The following ITGA8 variants were observed in gnomAD, a reference collection of about 807,000 sequenced individuals.
ITGA8 encodes integrin alpha-8.
A neutral mutation model predicts 142.3 loss-of-function variants in ITGA8; 91 were observed. The observed-to-expected ratio is 0.64, with a 90% CI of 0.54 to 0.76. ITGA8 has a LOEUF of 0.76. Ranked by LOEUF, ITGA8 falls within the 30% of genes least tolerant of loss-of-function variation. ITGA8 has a pLI of 0.00. For synonymous variants in ITGA8, 505 were observed against 485.2 expected (o/e 1.04, Z -0.54); for missense variants, 1,406 against 1,327.7 (o/e 1.06, Z -0.92).
At chr10:15,696,920 GA>G (rs1055320578) in intron 2 of ITGA8, among the ~76,000 whole-genome samples, 96 of 151,512 alleles carry the variant, frequency 6.3e-4, no homozygotes, top group Non-Finnish European at 1.1e-3. Flanking sequence ...GAGGTGGGAG[GA>G]TCAGTTGAGC....
chr10:15,596,503 G>A (rs372758703), intron 21 of ITGA8: 13 of 152,308 alleles, frequency 8.5e-5, no homozygotes, highest in African/African-American at 2.9e-4. Flanking sequence ...ATAATAATAT[G>A]TCATGGGAAT....
In ITGA8 at chr10:15,607,744, C is replaced by A; in HGVS notation, c.1697G>T (p.Arg566Leu). 1 of 1,613,720 alleles carries A rather than the reference C, an allele frequency of 6.2e-7. No individual in the cohort carries two copies. Among genetic ancestry groups the A allele is most frequent in the Non-Finnish European group, 8.5e-7 (1 of 1,179,666 alleles). ...CCTTTTTATCACAAGAGGGAAGACG[C>A]GATGAGCCTGATGGTTATCAAGGAA... ...TLFLDNHQAHRVFPLVIKRQK... is the reference protein window; with the variant it reads ...TLFLDNHQAHLVFPLVIKRQK... The change falls in exon 17 of 30, where the codon CGC becomes CTC. Residue 566 changes from arginine to leucine, a missense_variant. By Grantham distance (102) the Arg-to-Leu change is moderately radical. Coordinates refer to ENST00000378076, the MANE Select transcript of ITGA8 (RefSeq NM_003638.3).
intron 4 of ITGA8, 32 bp from the exon 5 acceptor site, chr10:15,678,815 C>A: frequency 1.4e-6 from 2 of 1,381,168 alleles, no homozygotes; most frequent in Non-Finnish European, 2.0e-6. Flanking sequence ...AATGTTATAA[C>A]GTTATCATTC....
In ITGA8 at chr10:15,671,586, TCAA is replaced by T. The variant is rs764638482; in HGVS notation, c.847+14_847+16del. On this transcript the variant is annotated intron_variant, in intron 8 of 29. Coordinates refer to ENST00000378076, the MANE Select transcript of ITGA8 (RefSeq NM_003638.3). ...CCCATGCTTTATAAGTGATTTAAAC[TCAA>T]CAGTGCCTCTCACCTTGCTGAGAAT... 1.9e-6 allele frequency: 3 copies of T among 1,605,264 alleles called. No individual in the cohort carries two copies. The African/African-American group carries it at 4.0e-5, about 21-fold the overall frequency.
chr10:15,540,899 C>A (rs1034515245), intron 27 of ITGA8, among the ~76,000 whole-genome samples: 1 of 152,190 alleles, frequency 6.6e-6, no homozygotes, highest in African/African-American at 2.4e-5. Context: ...ACACTCCCGC[C>A]AGCACCATGA....
Position 15,605,807 on chromosome 10 carries a change from G to C in ITGA8, c.1903-16C>G, listed in dbSNP as rs376659505. The C allele has an allele frequency of 6.2e-7, 1 of 1,610,478 alleles. No individual in the cohort carries two copies. The highest frequency in any genetic ancestry group is 1.3e-5 in the African/African-American group (1 of 74,838). On this transcript the variant is annotated splice_polypyrimidine_tract_variant and intron_variant, in intron 18 of 29. Coordinates refer to ENST00000378076, the MANE Select transcript of ITGA8 (RefSeq NM_003638.3). ...GAATGTGAGCCTGTGTTGTATAAAC[G>C]CACGTCAGGAACAATCTAGGAAAAT...
intron 15 of ITGA8, among the ~76,000 whole-genome samples, chr10:15,609,488 G>A (rs1670373738): frequency 6.6e-6 from 1 of 152,134 alleles, no homozygotes; most frequent in Non-Finnish European, 1.5e-5. Flanking sequence ...CTCAGTCAAT[G>A]TCTCCCCTCA....
At chr10:15,638,593 CCCCATCAGAAA>C (rs1298780503) in intron 13 of ITGA8, among the ~76,000 whole-genome samples, 3 of 152,282 alleles carry the variant, frequency 2.0e-5, no homozygotes, top group African/African-American at 7.2e-5. Flanking sequence ...CCCATCATAA[CCCCATCAGAAA>C]GCATTGCTGT....
In ITGA8 at chr10:15,697,424, C is replaced by T. The variant is rs76666819; in HGVS notation, c.344-9386G>A. On this transcript the variant is annotated intron_variant, in intron 2 of 29. Coordinates refer to ENST00000378076, the MANE Select transcript of ITGA8 (RefSeq NM_003638.3). ...ACCTGTCCCCCATTCCATTCCTCTTCCCTCCTCCCCGTCCAGAGGTTGCCA... is the reference window on the plus strand; with the variant it reads ...ACCTGTCCCCCATTCCATTCCTCTTTCCTCCTCCCCGTCCAGAGGTTGCCA... 4.6e-3 allele frequency among the ~76,000 whole-genome samples: 694 copies of T among 152,282 alleles called. 3 individuals carry two copies. Among genetic ancestry groups the T allele is most frequent in the African/African-American group, 0.016 (655 of 41,556 alleles).
At chr10:15,561,770 G>T (rs1251289551) in intron 25 of ITGA8, among the ~76,000 whole-genome samples, 1 of 152,192 alleles carries the variant, frequency 6.6e-6, no homozygotes, top group Non-Finnish European at 1.5e-5. Context: ...GGGGCATGTG[G>T]AAGGGTGGGG....
intron 6 of ITGA8, among the ~76,000 whole-genome samples, chr10:15,675,776 C>T (rs546729015): frequency 9.2e-5 from 14 of 152,094 alleles, no homozygotes; most frequent in Non-Finnish European, 1.3e-4. Flanking sequence ...CTTAAAATCC[C>T]CCAGTGGTTT....
chr10:15,619,696 A>G (rs1019453762), intron 13 of ITGA8, among the ~76,000 whole-genome samples: 2 of 147,682 alleles, frequency 1.4e-5, no homozygotes, highest in Non-Finnish European at 3.0e-5. Context: ...CTCTTCTAAC[A>G]GATTGGTACT....
chr10:15,542,303 C>T lies in ITGA8; in HGVS notation c.2880+6152G>A, dbSNP rs1328682187. ...AATAGAGAAATGCTCTTAATCTGCACAGACCAATGCAGGAGCCATGAGCTG... is the reference window on the plus strand; with the variant it reads ...AATAGAGAAATGCTCTTAATCTGCATAGACCAATGCAGGAGCCATGAGCTG... On this transcript the variant is annotated intron_variant, in intron 27 of 29. Coordinates refer to ENST00000378076, the MANE Select transcript of ITGA8 (RefSeq NM_003638.3). Among the ~76,000 whole-genome samples the T allele has an allele frequency of 5.3e-5, 8 of 152,300 alleles. No homozygotes were observed. In the Middle Eastern group the frequency reaches 0.01, roughly 194 times the overall value.
At chr10:15,652,720 T>C (rs190675600) in intron 11 of ITGA8, among the ~76,000 whole-genome samples, 2 of 152,334 alleles carry the variant, frequency 1.3e-5, no homozygotes, top group Admixed American at 6.5e-5. Context: ...CAGGATAAGA[T>C]TGACATTCAA....
At chr10:15,612,059 G>T (rs10737006) in intron 15 of ITGA8, among the ~76,000 whole-genome samples, 135,695 of 152,108 alleles carry the variant, frequency 0.89, 62,322 homozygotes, top group Non-Finnish European at 1. Flanking sequence ...TAATCATGCA[G>T]GGGTAAGGAT....
intron 8 of ITGA8, among the ~76,000 whole-genome samples, chr10:15,668,288 T>C (rs1395232951): frequency 6.6e-6 from 1 of 152,170 alleles, no homozygotes. Flanking sequence ...CTTCTTTGTC[T>C]CTTTTGATCT....
chr10:15,533,773 A>T lies in ITGA8; in HGVS notation c.2881-2622T>A, dbSNP rs1833360343. 3.3e-5 allele frequency among the ~76,000 whole-genome samples: 5 copies of T among 152,358 alleles called. No individual in the cohort carries two copies. The South Asian group carries it at 1.0e-3, about 32-fold the overall frequency. On this transcript the variant is annotated intron_variant, in intron 27 of 29. Transcript: ENST00000378076. ...ATGCGAAAGTTTCCTAATGCATCAT[A>T]GACAGCATTTGAACTCTAGGATGTA...
chr10:15,558,229 C>T, intron 25 of ITGA8, 27 bp from the exon 26 acceptor site: 1 of 1,612,690 alleles, frequency 6.2e-7, no homozygotes, highest in South Asian at 1.1e-5. Flanking sequence ...GGAGATACCA[C>T]ATTAAAAACA....
At chr10:15,534,424 A>G (rs1833377219) in intron 27 of ITGA8, among the ~76,000 whole-genome samples, 1 of 152,234 alleles carries the variant, frequency 6.6e-6, no homozygotes, top group Non-Finnish European at 1.5e-5. Context: ...CTTGGAATAT[A>G]ATGTCTATAT....
Sources: allele counts gnomAD v4.1 joint callset (sites outside exome capture counted in the v4.1 genomes callset), GRCh38; gene constraint gnomAD v4.1.1; transcripts MANE v1.5; gene names NCBI Gene and HGNC (gene_info 2026-07-23, HGNC 2026-07-21).